GPHN: variants seen among roughly 807,000 people sequenced by gnomAD.
The protein encoded by GPHN is gephyrin.
GPHN carries 17 observed loss-of-function variants against 95.5 expected under a neutral mutation model. The observed-to-expected ratio is 0.18, with a 90% confidence interval of 0.12 to 0.27. The LOEUF (loss-of-function observed/expected upper bound fraction) is 0.27, where lower values mean the gene tolerates loss of function less well. Among genes scored for constraint, GPHN ranks in the 10% least tolerant of loss-of-function variants. GPHN has a pLI of 1.00. For missense variants in GPHN, 660 were observed against 978.1 expected (o/e 0.67, Z 4.34); for synonymous variants, 320 against 322.5 (o/e 0.99, Z 0.08).
chr14:67,034,944 C>T (rs1476637690), intron 10 of GPHN, among the ~76,000 whole-genome samples: 4 of 151,956 alleles, frequency 2.6e-5, no homozygotes, highest in African/African-American at 9.7e-5. Flanking sequence ...GAATATTCCA[C>T]CCAACAATAG....
chr14:66,935,447 ATG>A (rs1009304881), intron 8 of GPHN, among the ~76,000 whole-genome samples: 4 of 150,378 alleles, frequency 2.7e-5, no homozygotes, highest in African/African-American at 4.9e-5. Context: ...TTATATATAT[ATG>A]TGTGTGTGTG....
At chr14:67,280,031 C>T in the GPHN span, 3 of 152,224 alleles carry the variant, frequency 2.0e-5, no homozygotes, top group Non-Finnish European at 4.4e-5. Context: ...TCTATATCCC[C>T]AAATTCTGTT....
the GPHN span, among the ~76,000 whole-genome samples, chr14:67,428,561 C>T: frequency 1.3e-5 from 2 of 152,242 alleles, no homozygotes; most frequent in Non-Finnish European, 2.9e-5. Context: ...ACAGCTGGTA[C>T]GTGGAAGAGC....
At chr14:66,837,096 A>G (rs2061857372) in intron 4 of GPHN, among the ~76,000 whole-genome samples, 1 of 151,430 alleles carries the variant, frequency 6.6e-6, no homozygotes, top group East Asian at 2.0e-4. Flanking sequence ...ATTACTGGGT[A>G]TATACCCAAA....
the GPHN span, among the ~76,000 whole-genome samples, chr14:67,308,640 G>A: frequency 2.0e-5 from 3 of 150,870 alleles, no homozygotes; most frequent in Non-Finnish European, 2.9e-5. Flanking sequence ...CCGCCTCCTG[G>A]GTTCAAGTGA....
chr14:67,185,274 G>T (rs763537035), downstream of GPHN, among the ~76,000 whole-genome samples: 13 of 152,150 alleles, frequency 8.5e-5, no homozygotes, highest in Non-Finnish European at 1.8e-4. Flanking sequence ...GGAGAAAGAA[G>T]AGGAAAGAAG....
chr14:67,454,976 C>T, the GPHN span, among the ~76,000 whole-genome samples: 37,872 of 152,020 alleles, frequency 0.25, 5,073 homozygotes, highest in African/African-American at 0.34. Flanking sequence ...CAGCCTCCCA[C>T]GTAACTGGGA....
At chr14:67,155,947 A>C (rs2081556566) in intron 18 of GPHN, among the ~76,000 whole-genome samples, 1 of 152,232 alleles carries the variant, frequency 6.6e-6, no homozygotes, top group African/African-American at 2.4e-5. Flanking sequence ...CCAGAAAACA[A>C]TGGACTGGGA....
chr14:66,984,586 A>T (rs1360097646), intron 9 of GPHN, among the ~76,000 whole-genome samples: 2 of 152,216 alleles, frequency 1.3e-5, no homozygotes, highest in Non-Finnish European at 2.9e-5. Flanking sequence ...ATGCTATCAG[A>T]GATCTTCTAA....
chr14:66,873,938 AC>A (rs1262642757), intron 4 of GPHN, among the ~76,000 whole-genome samples: 1 of 151,832 alleles, frequency 6.6e-6, no homozygotes, highest in African/African-American at 2.4e-5. Context: ...TGGGTCCCTG[AC>A]CCCCATGCCT....
intron 17 of GPHN, among the ~76,000 whole-genome samples, chr14:67,125,203 G>A (rs2079226836): frequency 6.6e-6 from 1 of 152,150 alleles, no homozygotes; most frequent in South Asian, 2.1e-4. Flanking sequence ...AGTGAATGGT[G>A]TAGAATGCAG....
At chr14:67,351,993 A>C in the GPHN span, among the ~76,000 whole-genome samples, 2 of 151,820 alleles carry the variant, frequency 1.3e-5, no homozygotes, top group Non-Finnish European at 1.5e-5. Context: ...AATAATCAAA[A>C]GTAGTACAGG....
intron 18 of GPHN, among the ~76,000 whole-genome samples, chr14:67,150,059 A>G (rs956369690): frequency 5.9e-5 from 9 of 152,238 alleles, no homozygotes; most frequent in Admixed American, 2.6e-4. Flanking sequence ...TTATTAATCA[A>G]TTCAGTTTAA....
chr14:67,368,205 G>C, the GPHN span, among the ~76,000 whole-genome samples: 3 of 152,224 alleles, frequency 2.0e-5, no homozygotes, highest in Non-Finnish European at 2.9e-5. Context: ...AGGCAGAGCA[G>C]CGTAAACGGC....
At chr14:67,734,451 ATTGTCTTATT>A in the GPHN span, 1 of 154,964 alleles carries the variant, frequency 6.5e-6, no homozygotes, top group East Asian at 1.9e-4. Flanking sequence ...CATTCATCTC[ATTGTCTTATT>A]TATTTTCTCA....
At chr14:67,461,392 T>C in the GPHN span, among the ~76,000 whole-genome samples, 1 of 152,214 alleles carries the variant, frequency 6.6e-6, no homozygotes, top group Admixed American at 6.5e-5. Context: ...GAATCTTTGT[T>C]GGGCAATCAG....
intron 4 of GPHN, among the ~76,000 whole-genome samples, chr14:66,878,035 C>G (rs1448525534): frequency 1.3e-5 from 2 of 152,116 alleles, no homozygotes; most frequent in African/African-American, 4.8e-5. Flanking sequence ...ATATATAGAC[C>G]AATGGAACAG....
chr14:67,155,055 A>T (rs1471485098), intron 18 of GPHN, among the ~76,000 whole-genome samples: 3 of 152,212 alleles, frequency 2.0e-5, no homozygotes, highest in Non-Finnish European at 2.9e-5. Flanking sequence ...CAAAGAAGCC[A>T]AGCATAAAAA....
intron 2 of GPHN, among the ~76,000 whole-genome samples, chr14:66,761,680 G>A (rs2058761550): frequency 6.9e-6 from 1 of 143,892 alleles, no homozygotes; most frequent in South Asian, 2.2e-4. Flanking sequence ...TTTTTTTTGA[G>A]ATGGAGTCTC....
Sources: allele counts gnomAD v4.1 joint callset (sites outside exome capture counted in the v4.1 genomes callset), GRCh38; gene constraint gnomAD v4.1.1; transcripts MANE v1.5; gene names NCBI Gene and HGNC (gene_info 2026-07-23, HGNC 2026-07-21).